Variants in ESRRG observed in about 807,000 individuals in gnomAD.
The protein encoded by ESRRG is estrogen-related receptor gamma.
ESRRG carries 13 observed loss-of-function variants against 44.0 expected under a neutral mutation model. The ratio of observed to expected loss-of-function variants is 0.30; its 90% CI spans 0.19 to 0.47. The LOEUF (loss-of-function observed/expected upper bound fraction) is 0.47, where lower values mean the gene tolerates loss of function less well. Ranked by LOEUF, ESRRG falls within the 20% of genes least tolerant of loss-of-function variation. ESRRG has a pLI of 1.00. For synonymous variants in ESRRG, 215 were observed against 214.6 expected (o/e 1.00, Z -0.02); for missense variants, 395 against 580.6 (o/e 0.68, Z 3.29).
intron 3 of ESRRG, among the ~76,000 whole-genome samples, chr1:216,629,971 A>G (rs1205278046): frequency 6.6e-6 from 1 of 152,176 alleles, no homozygotes; most frequent in Non-Finnish European, 1.5e-5. Context: ...AGGGCCACAT[A>G]TACACAGTAA....
chr1:216,526,010 C>G (rs1415603925), intron 5 of ESRRG, among the ~76,000 whole-genome samples: 1 of 152,130 alleles, frequency 6.6e-6, no homozygotes, highest in Non-Finnish European at 1.5e-5. Context: ...CTATCTTGAA[C>G]CTTGGAGAAA....
intron 2 of ESRRG, among the ~76,000 whole-genome samples, chr1:216,785,942 C>T (rs1233579644): frequency 2.6e-5 from 4 of 152,082 alleles, no homozygotes; most frequent in Non-Finnish European, 5.9e-5. Flanking sequence ...TGTTTTGCTG[C>T]ATGCTTGAAG....
intron 1 of ESRRG, among the ~76,000 whole-genome samples, chr1:217,111,716 G>C (rs1365094942): frequency 6.6e-6 from 1 of 152,160 alleles, no homozygotes; most frequent in Admixed American, 6.5e-5. Context: ...CTGTCAGTAA[G>C]CATTCATGCC....
intron 3 of ESRRG, among the ~76,000 whole-genome samples, chr1:216,599,186 C>T (rs566933819): frequency 1.3e-5 from 2 of 151,986 alleles, no homozygotes; most frequent in African/African-American, 4.8e-5. Context: ...ATAATCAACC[C>T]ACAATTAAAG....
chr1:216,954,607 G>A (rs949550802), intron 1 of ESRRG, among the ~76,000 whole-genome samples: 9 of 152,282 alleles, frequency 5.9e-5, no homozygotes, highest in African/African-American at 2.2e-4. Flanking sequence ...CAAAGATCAT[G>A]CCTTGAGCAT....
chr1:216,929,847 A>G (rs902851141), intron 2 of ESRRG, among the ~76,000 whole-genome samples: 1 of 152,110 alleles, frequency 6.6e-6, no homozygotes, highest in Non-Finnish European at 1.5e-5. Context: ...AAAATGCTAC[A>G]TCTGTGATCC....
At chr1:216,903,638 T>G (rs2059351869) in intron 2 of ESRRG, among the ~76,000 whole-genome samples, 4 of 151,640 alleles carry the variant, frequency 2.6e-5, no homozygotes, top group Admixed American at 2.6e-4. Flanking sequence ...GGGGATAGAC[T>G]GAATCTCATT....
chr1:216,547,858 A>T (rs2055037216), intron 5 of ESRRG, among the ~76,000 whole-genome samples: 1 of 152,088 alleles, frequency 6.6e-6, no homozygotes, highest in African/African-American at 2.4e-5. Flanking sequence ...TGATTTGATG[A>T]AAAAGCAAAT....
intron 2 of ESRRG, among the ~76,000 whole-genome samples, chr1:216,901,453 G>C (rs190505846): frequency 6.8e-6 from 1 of 147,872 alleles, no homozygotes; most frequent in South Asian, 2.2e-4. Flanking sequence ...TTGCAGCCTC[G>C]ACCTCCCAGA....
At chr1:217,120,730 C>T (rs891311354) in intron 1 of ESRRG, among the ~76,000 whole-genome samples, 1 of 152,174 alleles carries the variant, frequency 6.6e-6, no homozygotes, top group Non-Finnish European at 1.5e-5. Context: ...ATTCATCTTT[C>T]TCATGTGGTT....
Position 216,824,895 on chromosome 1 carries a change from C to A in ESRRG, c.-14+114687G>T, listed in dbSNP as rs905294879. 2.0e-5 allele frequency among the ~76,000 whole-genome samples: 3 copies of A among 152,198 alleles called. No individual in the cohort carries two copies. The South Asian group carries it at 6.2e-4, about 32-fold the overall frequency. ...TTTGCTGTCTACCTGCCTTGCCTTACTAGGTGAAGAACAATGTTTTAAAAA... is the reference window on the plus strand; with the variant it reads ...TTTGCTGTCTACCTGCCTTGCCTTAATAGGTGAAGAACAATGTTTTAAAAA... On this transcript the variant is annotated intron_variant, in intron 2 of 7. Transcript: ENST00000359162.
At chr1:216,810,831 CTATGA>C (rs2094947852) in intron 2 of ESRRG, among the ~76,000 whole-genome samples, 1 of 148,542 alleles carries the variant, frequency 6.7e-6, no homozygotes, top group Non-Finnish European at 1.5e-5. Context: ...ATATATAACT[CTATGA>C]TATGTGTGTA....
chr1:216,891,782 G>A (rs1285333381), intron 2 of ESRRG, among the ~76,000 whole-genome samples: 1 of 147,440 alleles, frequency 6.8e-6, no homozygotes, highest in African/African-American at 2.5e-5. Flanking sequence ...TATACTCTTA[G>A]TGTGGTGCCC....
At chr1:216,794,954 C>A (rs767681059) in intron 2 of ESRRG, among the ~76,000 whole-genome samples, 8 of 152,140 alleles carry the variant, frequency 5.3e-5, no homozygotes, top group Non-Finnish European at 8.8e-5. Context: ...TAGCTGACAA[C>A]TAAATACAGC....
chr1:216,994,629 T>G (rs934016705), intron 1 of ESRRG, among the ~76,000 whole-genome samples: 1 of 152,190 alleles, frequency 6.6e-6, no homozygotes, highest in Non-Finnish European at 1.5e-5. Flanking sequence ...TCGCCCAGGC[T>G]GGAGTGCAGT....
chr1:216,992,872 C>T lies in ESRRG; in HGVS notation c.-105-53199G>A, dbSNP rs1050432016. ...TGCCAGATGCCTCATTATGTCCTTCCGTCTTTGTTCAGCAAGTCACTACAC... is the reference window on the plus strand; with the variant it reads ...TGCCAGATGCCTCATTATGTCCTTCTGTCTTTGTTCAGCAAGTCACTACAC... On this transcript the variant is annotated intron_variant, in intron 1 of 7. Coordinates refer to the ESRRG transcript ENST00000359162. Among the ~76,000 whole-genome samples the T allele has an allele frequency of 3.9e-5, 6 of 152,234 alleles. No individual in the cohort carries two copies. In the East Asian group the frequency reaches 5.8e-4, roughly 15 times the overall value.
At chr1:216,629,540 G>C (rs2063754320) in intron 3 of ESRRG, among the ~76,000 whole-genome samples, 2 of 152,250 alleles carry the variant, frequency 1.3e-5, no homozygotes, top group South Asian at 4.2e-4. Context: ...GGGAGAATTT[G>C]GCTCTTATAT....
chr1:216,665,968 T>G (rs2073831992), intron 2 of ESRRG, among the ~76,000 whole-genome samples: 1 of 152,200 alleles, frequency 6.6e-6, no homozygotes, highest in South Asian at 2.1e-4. Flanking sequence ...TAAGTTCATC[T>G]AGTAGTATAT....
At chr1:217,129,343 G>T (rs1026785988) in intron 1 of ESRRG, among the ~76,000 whole-genome samples, 1 of 152,210 alleles carries the variant, frequency 6.6e-6, no homozygotes, top group Non-Finnish European at 1.5e-5. Flanking sequence ...AATAAATGTT[G>T]ATGAGGAATG....
Sources: allele counts gnomAD v4.1 joint callset (sites outside exome capture counted in the v4.1 genomes callset), GRCh38; gene constraint gnomAD v4.1.1; transcripts MANE v1.5; gene names NCBI Gene and HGNC (gene_info 2026-07-23, HGNC 2026-07-21).